The following TRMT11 variants were observed in gnomAD, a reference collection of about 807,000 sequenced individuals.
The protein encoded by TRMT11 is tRNA (guanine(10)-N(2))-methyltransferase TRMT11.
TRMT11 carries 53 observed loss-of-function variants against 62.8 expected under a neutral mutation model. The observed-to-expected ratio is 0.84, with a 90% CI of 0.68 to 1.06. The LOEUF (loss-of-function observed/expected upper bound fraction) is 1.06. Ranked by LOEUF, TRMT11 falls within the 50% of genes least tolerant of loss-of-function variation. TRMT11 has a pLI of 0.00. For synonymous variants in TRMT11, 188 were observed against 190.3 expected (o/e 0.99, Z 0.10); for missense variants, 556 against 553.4 (o/e 1.00, Z -0.05).
intron 16 of TRMT11, among the ~76,000 whole-genome samples, chr6:126,048,119 G>T (rs1163087058): frequency 6.6e-6 from 1 of 152,150 alleles, no homozygotes; most frequent in African/African-American, 2.4e-5. Context: ...TTTCATAAAG[G>T]TTACATATAG....
chr6:126,099,306 C>G (rs1777372040), intron 17 of TRMT11, among the ~76,000 whole-genome samples: 1 of 152,182 alleles, frequency 6.6e-6, no homozygotes, highest in South Asian at 2.1e-4. Flanking sequence ...TCTACTTGCT[C>G]AGCAAGACTC....
At chr6:126,036,729 T>C (rs1775261650) in intron 12 of TRMT11, among the ~76,000 whole-genome samples, 1 of 152,124 alleles carries the variant, frequency 6.6e-6, no homozygotes, top group Admixed American at 6.5e-5. Context: ...TTTCTAGTGA[T>C]CTTACTGACA....
chr6:126,269,109 A>G, the TRMT11 span, among the ~76,000 whole-genome samples: 10 of 150,710 alleles, frequency 6.6e-5, no homozygotes, highest in Admixed American at 6.6e-4. Flanking sequence ...TAAAAATACA[A>G]AAAAATTAGC....
chr6:126,003,392 T>C (rs1035086569), intron 7 of TRMT11, among the ~76,000 whole-genome samples: 1 of 152,094 alleles, frequency 6.6e-6, no homozygotes, highest in African/African-American at 2.4e-5. Context: ...TGTCCTAGGG[T>C]AAATTCTTAC....
chr6:126,251,095 A>G, the TRMT11 span, among the ~76,000 whole-genome samples: 2 of 151,408 alleles, frequency 1.3e-5, no homozygotes, highest in Non-Finnish European at 2.9e-5. Flanking sequence ...CAGTGGCACA[A>G]TCTAGGCTCA....
chr6:126,196,228 A>C (rs949925551), intron 1 of TRMT11, among the ~76,000 whole-genome samples: 4 of 152,188 alleles, frequency 2.6e-5, no homozygotes, highest in Non-Finnish European at 4.4e-5. Context: ...TTCTACAAGT[A>C]CTCTGTACTA....
At chr6:126,032,342 T>G (rs185885022) in intron 12 of TRMT11, among the ~76,000 whole-genome samples, 7 of 152,166 alleles carry the variant, frequency 4.6e-5, no homozygotes, top group Non-Finnish European at 8.8e-5. Context: ...ACATAACCTT[T>G]ATGTCAGCCT....
At chr6:126,012,706 T>C in intron 9 of TRMT11, 65 bp from the exon 10 acceptor site, 1 of 1,208,644 alleles carries the variant, frequency 8.3e-7, no homozygotes, top group Non-Finnish European at 1.2e-6. Flanking sequence ...GCAGCATGGC[T>C]GTTTGCCCTT....
chr6:126,155,505 T>C (rs899294521), intron 21 of TRMT11, among the ~76,000 whole-genome samples: 1 of 152,076 alleles, frequency 6.6e-6, no homozygotes, highest in African/African-American at 2.4e-5. Flanking sequence ...TCCCCGCAAA[T>C]CTTAACTCAT....
At chr6:126,222,674 G>A in the TRMT11 span, among the ~76,000 whole-genome samples, 1 of 151,678 alleles carries the variant, frequency 6.6e-6, no homozygotes, top group African/African-American at 2.4e-5. Flanking sequence ...TTTTTCATTT[G>A]TTTGATGGGT....
the TRMT11 span, among the ~76,000 whole-genome samples, chr6:126,210,106 G>A: frequency 6.6e-6 from 1 of 152,220 alleles, no homozygotes; most frequent in Admixed American, 6.5e-5. Context: ...TTTTGCAGAT[G>A]TGACTTAGGT....
At position 125,998,684 on chromosome 6, in the gene TRMT11, G is replaced by A. The variant is rs774207339; in HGVS notation, c.522G>A (p.Trp174Ter). ...ENPHNIYFGR[W>*]IADGQRELIE... ...CACATAATATTTATTTTGGTAGATG[G>A]GTGAGCAAGTTTTCTTTCTACCTAT... is the stretch of plus-strand genomic sequence containing the variant. The change falls in exon 6 of 13, where the codon TGG becomes TGA. Residue 174 changes from tryptophan to a stop codon, truncating the protein, a stop_gained and splice_region_variant. Transcript: ENST00000334379. LOFTEE classifies it high-confidence loss of function. 6.2e-7 allele frequency: 1 copy of A among 1,608,548 alleles called. No individual in the cohort carries two copies. Among genetic ancestry groups the A allele is most frequent in the Non-Finnish European group, 8.5e-7 (1 of 1,178,408 alleles).
chr6:126,150,276 A>G (rs1778023719), intron 21 of TRMT11, among the ~76,000 whole-genome samples: 1 of 152,178 alleles, frequency 6.6e-6, no homozygotes, highest in South Asian at 2.1e-4. Context: ...CCTCACTAGC[A>G]AGAAAGATTT....
At chr6:126,100,674 C>T (rs1044222193) in intron 17 of TRMT11, among the ~76,000 whole-genome samples, 1 of 152,202 alleles carries the variant, frequency 6.6e-6, no homozygotes, top group Non-Finnish European at 1.5e-5. Flanking sequence ...ACCTTTTCGG[C>T]ACCAGGGGCC....
At chr6:126,243,806 A>C in the TRMT11 span, among the ~76,000 whole-genome samples, 1 of 152,188 alleles carries the variant, frequency 6.6e-6, no homozygotes, top group Admixed American at 6.5e-5. Flanking sequence ...GTGGGGAGGG[A>C]TAGCATTAGG....
intron 16 of TRMT11, among the ~76,000 whole-genome samples, chr6:126,049,942 A>T (rs1776165048): frequency 6.6e-6 from 1 of 152,158 alleles, no homozygotes; most frequent in Admixed American, 6.5e-5. Context: ...AGACTTAACT[A>T]GAGGGAAGGG....
intron 12 of TRMT11, among the ~76,000 whole-genome samples, chr6:126,030,176 G>A (rs1299547751): frequency 1.3e-5 from 2 of 152,060 alleles, no homozygotes; most frequent in Non-Finnish European, 2.9e-5. Context: ...GCTTGTCCTT[G>A]GTTTGGAAAT....
the TRMT11 span, among the ~76,000 whole-genome samples, chr6:126,245,950 G>A: frequency 6.6e-6 from 1 of 152,062 alleles, no homozygotes; most frequent in Non-Finnish European, 1.5e-5. Flanking sequence ...AAAAAGAAAA[G>A]AAAAGAAATT....
At chr6:126,219,787 C>G in the TRMT11 span, among the ~76,000 whole-genome samples, 10 of 152,286 alleles carry the variant, frequency 6.6e-5, no homozygotes, top group Non-Finnish European at 1.3e-4. Flanking sequence ...CAAGTATTTG[C>G]TAAATAATGA....
Sources: allele counts gnomAD v4.1 joint callset (sites outside exome capture counted in the v4.1 genomes callset), GRCh38; gene constraint gnomAD v4.1.1; transcripts MANE v1.5; gene names NCBI Gene and HGNC (gene_info 2026-07-23, HGNC 2026-07-21).